Variants in CRYZL1 observed in about 807,000 individuals in gnomAD.
The protein encoded by CRYZL1 is ferry endosomal RAB5 effector complex subunit 4.
Under a neutral mutation model 50.6 loss-of-function variants are expected in CRYZL1, and 34 were observed. The ratio of observed to expected loss-of-function variants is 0.67; its 90% CI spans 0.51 to 0.89. The LOEUF (loss-of-function observed/expected upper bound fraction) is 0.89, where lower values mean the gene tolerates loss of function less well. CRYZL1 is among the 40% of genes least tolerant of loss of function. The pLI is 0.00. For missense variants in CRYZL1, 354 were observed against 402.3 expected, an observed-to-expected ratio of 0.88 and a Z score of 1.03; for synonymous variants, 125 against 134.3, an observed-to-expected ratio of 0.93 and a Z score of 0.48.
chr21:33,612,970 C>T (rs1048338434), intron 6 of CRYZL1, among the ~76,000 whole-genome samples: 2 of 151,962 alleles, frequency 1.3e-5, no homozygotes, highest in African/African-American at 2.4e-5. Context: ...ATTATAGGTG[C>T]GTGTCACCAC....
At chr21:33,626,684 G>A (rs1472217580) in intron 2 of CRYZL1, among the ~76,000 whole-genome samples, 3 of 147,906 alleles carry the variant, frequency 2.0e-5, no homozygotes, top group African/African-American at 5.0e-5. Context: ...GTGACAGAGC[G>A]AGACCCTGTC....
intron 4 of CRYZL1, among the ~76,000 whole-genome samples, chr21:33,620,126 CAT>C (rs1331455943): frequency 1.3e-5 from 2 of 152,124 alleles, no homozygotes; most frequent in African/African-American, 4.8e-5. Flanking sequence ...AAAAAAGAAA[CAT>C]AATTATCATT....
intron 1 of CRYZL1, among the ~76,000 whole-genome samples, chr21:33,637,788 T>TATATATATATATATATATACACAC (rs1491462371): frequency 6.0e-5 from 7 of 117,194 alleles, no homozygotes; most frequent in Non-Finnish European, 9.2e-5. Flanking sequence ...TATATATATA[T>TATATATATATATATATATACACAC]ACACACACAC....
intron 4 of CRYZL1, among the ~76,000 whole-genome samples, chr21:33,621,258 C>CAATGTA (rs1175614189): frequency 2.0e-5 from 3 of 149,922 alleles, no homozygotes; most frequent in African/African-American, 7.4e-5. Flanking sequence ...AAAGAATTGT[C>CAATGTA]TTGAGCAACA....
At chr21:33,603,946 G>T (rs771833335) in intron 6 of CRYZL1, among the ~76,000 whole-genome samples, 1 of 152,134 alleles carries the variant, frequency 6.6e-6, no homozygotes, top group African/African-American at 2.4e-5. Context: ...TCATTAGTAC[G>T]CATTCCTAAA....
At chr21:33,635,911 G>A (rs2087201585) in intron 1 of CRYZL1, among the ~76,000 whole-genome samples, 1 of 152,024 alleles carries the variant, frequency 6.6e-6, no homozygotes, top group African/African-American at 2.4e-5. Context: ...AATCTGGGAG[G>A]CAGAGGTTGC....
chr21:33,608,152 G>A (rs1193668987), intron 6 of CRYZL1, among the ~76,000 whole-genome samples: 1 of 152,040 alleles, frequency 6.6e-6, no homozygotes, highest in Non-Finnish European at 1.5e-5. Flanking sequence ...GCAAAGAACT[G>A]AAAATAAAAA....
At chr21:33,613,186 T>C (rs139052015) in intron 6 of CRYZL1, among the ~76,000 whole-genome samples, 77 of 152,312 alleles carry the variant, frequency 5.1e-4, no homozygotes, top group Non-Finnish European at 7.8e-4. Context: ...CTAAATTTTA[T>C]ATGTTTTTTG....
chr21:33,598,393 C>T (rs1259177687), intron 9 of CRYZL1, among the ~76,000 whole-genome samples: 13 of 152,140 alleles, frequency 8.5e-5, no homozygotes, highest in Admixed American at 8.5e-4. Context: ...TAAATCCTAC[C>T]AAAGTATAAA....
chr21:33,616,083 C>T (rs562684356), intron 5 of CRYZL1, among the ~76,000 whole-genome samples: 5 of 152,082 alleles, frequency 3.3e-5, no homozygotes, highest in Admixed American at 6.6e-5. Context: ...CCTCCCCCCC[C>T]CAACCCCACC....
intron 4 of CRYZL1, among the ~76,000 whole-genome samples, chr21:33,619,789 T>G (rs866450659): frequency 7.9e-5 from 12 of 152,202 alleles, no homozygotes; most frequent in Admixed American, 7.2e-4. Flanking sequence ...CCAAACTCTT[T>G]GTAATTCTTA....
At chr21:33,638,526 G>C (rs1387860663) in intron 1 of CRYZL1, among the ~76,000 whole-genome samples, 19 of 152,154 alleles carry the variant, frequency 1.2e-4, no homozygotes, top group Admixed American at 1.2e-3. Flanking sequence ...TTCTTAAAGA[G>C]GGTAGTGAAT....
intron 1 of CRYZL1, among the ~76,000 whole-genome samples, chr21:33,639,133 T>C (rs1376808281): frequency 6.6e-6 from 1 of 152,196 alleles, no homozygotes; most frequent in African/African-American, 2.4e-5. Flanking sequence ...AAAAGAATTT[T>C]TGATGACCTC....
At chr21:33,639,400 T>C (rs984557573) in intron 1 of CRYZL1, among the ~76,000 whole-genome samples, 1 of 152,246 alleles carries the variant, frequency 6.6e-6, no homozygotes, top group Non-Finnish European at 1.5e-5. Context: ...CTTATTTTCC[T>C]ATATTGTACT....
At position 33,616,809 on chromosome 21, in the gene CRYZL1, C is replaced by A. The variant is rs1169633456; in HGVS notation, c.218-59G>T. The A allele has an allele frequency of 3.0e-6, 4 of 1,355,756 alleles. No individual in the cohort carries two copies. In the African/African-American group the frequency reaches 4.5e-5, roughly 15 times the overall value. 84.0% of individuals were successfully genotyped at this position (1,355,756 alleles called of 1,614,324 possible). On this transcript the variant is annotated intron_variant, in intron 4 of 12. Coordinates refer to ENST00000381554, the MANE Select transcript of CRYZL1 (RefSeq NM_145858.3). The stretch of plus-strand genomic sequence containing the variant: ...CAAGTTTATTAAATATAATTCTTAT[C>A]TATTAAAATACATTTTTAAAATCTG...
At chr21:33,621,197 G>A (rs1263130669) in intron 4 of CRYZL1, among the ~76,000 whole-genome samples, 9 of 150,862 alleles carry the variant, frequency 6.0e-5, no homozygotes, top group Admixed American at 1.3e-4. Flanking sequence ...GAGCCACCGC[G>A]CCCGGCCGGG....
intron 1 of CRYZL1, among the ~76,000 whole-genome samples, chr21:33,638,695 TAAGATGGGC>T (rs2087240982): frequency 6.6e-6 from 1 of 152,242 alleles, no homozygotes; most frequent in Non-Finnish European, 1.5e-5. Context: ...TGTTATTATA[TAAGATGGGC>T]ACAGGAGATA....
chr21:33,589,884 T>C lies in CRYZL1; in HGVS notation c.988A>G (p.Lys330Glu), dbSNP rs780089134. The C allele has an allele frequency of 1.2e-6, 2 of 1,612,452 alleles. No individual in the cohort carries two copies. The highest frequency in any genetic ancestry group is 1.7e-6 in the Non-Finnish European group (2 of 1,179,300). The change falls in exon 13 of 13, where the codon AAA (lysine) becomes GAA (glutamate). Residue 330 changes from lysine to glutamate, a missense_variant. Coordinates refer to ENST00000381554, the MANE Select transcript of CRYZL1 (RefSeq NM_145858.3). ...LDEPIPLYEA[K>E]VSMEAVQKNQ... ...TTCTGAACAGCTTCCATGGAAACTT[T>C]TGCCTCATACAGTGGAATGGGTTCA...
At chr21:33,596,573 G>T (rs1241546479) in intron 10 of CRYZL1, among the ~76,000 whole-genome samples, 1 of 152,084 alleles carries the variant, frequency 6.6e-6, no homozygotes, top group Non-Finnish European at 1.5e-5. Flanking sequence ...GGGAGGCAGA[G>T]GTTGCAGTGA....
Sources: gnomAD v4.1 joint callset for allele counts (sites outside exome capture counted in the v4.1 genomes callset) on GRCh38, gnomAD v4.1.1 for gene constraint, MANE v1.5 for transcripts, NCBI Gene and HGNC (gene_info 2026-07-23, HGNC 2026-07-21) for gene names.